PJVK: variants seen among roughly 807,000 people sequenced by gnomAD.
PJVK encodes the protein autosomal recessive deafness type 59 protein.
Under a neutral mutation model 37.6 loss-of-function variants are expected in PJVK, and 33 were observed. The ratio of observed to expected loss-of-function variants is 0.88; its 90% confidence interval spans 0.67 to 1.17. PJVK has a LOEUF of 1.17. PJVK is among the 50% of genes most tolerant of loss of function. The pLI is 0.00. For missense variants in PJVK, 410 were observed against 413.8 expected (o/e 0.99, Z 0.08); for synonymous variants, 141 against 143.5 (o/e 0.98, Z 0.13).
chr2:178,454,477 A>G lies in PJVK; in HGVS notation c.357A>G (p.Val119=). Residue 119 remains valine (V), a synonymous_variant, in exon 3 of 7, where the codon GTA becomes GTG. Transcript: ENST00000644580. ...SIAVKASFGI[V]TKHEVEVSTL... is the part of the protein sequence containing the mutation. ...CAGTGAAAGCTTCATTTGGTATAGT[A>G]ACCAAACATGAAGTGGAAGTATCAA... 1.9e-6 allele frequency: 3 copies of G among 1,613,950 alleles called. No homozygotes were observed. The highest frequency in any genetic ancestry group is 2.7e-5 in the African/African-American group (2 of 75,034).
chr2:178,456,063 C>T lies in PJVK; in HGVS notation c.461C>T (p.Ala154Val). 6.2e-7 allele frequency: 1 copy of T among 1,614,112 alleles called. No individual in the cohort carries two copies. Among genetic ancestry groups the T allele is most frequent in the Non-Finnish European group, 8.5e-7 (1 of 1,180,010 alleles). Residue 154 changes from alanine (A) to valine (V), a missense_variant, in exon 4 of 7, where the codon GCA becomes GTA. Ala to Val is a moderately conservative substitution (Grantham distance 64, BLOSUM62 0). Transcript: ENST00000644580. ...LIRQSRSSRK[A>V]VLCVVMESIR... ...CGTCAGTCAAGGAGCAGCAGAAAGG[C>T]AGTATTGTGTGTGGTCATGGAGAGC... is the stretch of plus-strand genomic sequence containing the variant.
In PJVK at chr2:178,454,488, A is replaced by G. The variant is rs184784206; in HGVS notation, c.368A>G (p.Glu123Gly). The change falls in exon 3 of 7, where the codon GAA (glutamate) becomes GGA (glycine). Residue 123 changes from glutamate (E) to glycine (G), a missense_variant. By Grantham distance (98) the Glu-to-Gly change is moderately conservative (BLOSUM62 -2). Coordinates refer to ENST00000644580, the MANE Select transcript of PJVK (RefSeq NM_001042702.5). ...TCATTTGGTATAGTAACCAAACATGAAGTGGAAGTATCAACATTACTCAAA... is the reference window on the plus strand; with the variant it reads ...TCATTTGGTATAGTAACCAAACATGGAGTGGAAGTATCAACATTACTCAAA... ...KASFGIVTKH[E>G]VEVSTLLKEI... The G allele has an allele frequency of 1.1e-5, 17 of 1,613,916 alleles. 1 individual carries two copies. The African/African-American group carries it at 1.2e-4, about 11-fold the overall frequency.
chr2:178,453,798 T>G lies in PJVK; in HGVS notation c.211+178T>G, dbSNP rs933204335. ...AACAATGCCAAAAGTTTGTATAATA[T>G]CAAATCTCTTATTGGTCAAATAATT... is the stretch of plus-strand genomic sequence containing the variant. On this transcript the variant is annotated intron_variant, in intron 2 of 6. Coordinates refer to ENST00000644580, the MANE Select transcript of PJVK (RefSeq NM_001042702.5). The G allele has an allele frequency of 7.0e-6, 4 of 572,186 alleles. No homozygotes were observed. The African/African-American group carries it at 7.6e-5, about 11-fold the overall frequency. 35.4% of individuals were successfully genotyped at this position (572,186 alleles called of 1,614,324 possible).
intron 5 of PJVK, among the ~76,000 whole-genome samples, chr2:178,459,438 A>G (rs747389569): frequency 2.0e-5 from 3 of 152,186 alleles, no homozygotes; most frequent in Non-Finnish European, 2.9e-5. Flanking sequence ...ATATTTATGT[A>G]TGGGATACAT....
intron 5 of PJVK, among the ~76,000 whole-genome samples, chr2:178,459,512 C>T (rs932636834): frequency 1.3e-5 from 2 of 151,988 alleles, no homozygotes; most frequent in African/African-American, 2.4e-5. Context: ...GGTATCCATC[C>T]CCTCAAGCAT....
In PJVK at chr2:178,454,346, C is replaced by T; in HGVS notation, c.226C>T (p.Gln76Ter). The part of the protein sequence containing the change: ...REISAGISSY[Q>*]LLNYEDESDV... Reference sequence around the variant, plus strand: ...TTCTTATAAAGGTATTTCATCTTATCAATTACTGAATTATGAAGATGAATC... The same window carrying T: ...TTCTTATAAAGGTATTTCATCTTATTAATTACTGAATTATGAAGATGAATC... The change falls in exon 3 of 7, where the codon CAA becomes TAA. Residue 76 changes from glutamine (Q) to a stop codon, truncating the protein, a stop_gained. Coordinates refer to ENST00000644580, the MANE Select transcript of PJVK (RefSeq NM_001042702.5). LOFTEE classifies it high-confidence loss of function. 1 of 1,612,398 alleles carries T rather than the reference C, an allele frequency of 6.2e-7. No individual in the cohort carries two copies.
intron 5 of PJVK, chr2:178,459,143 C>A (rs1300791849): frequency 4.2e-6 from 2 of 471,136 alleles, no homozygotes; most frequent in Non-Finnish European, 8.8e-6. Context: ...AAAATTGTCA[C>A]CTTGTATAAT....
intron 3 of PJVK, chr2:178,455,003 C>T (rs1340024220): frequency 5.8e-6 from 6 of 1,038,090 alleles, no homozygotes; most frequent in Non-Finnish European, 9.2e-6. Flanking sequence ...TCTGTGTGGA[C>T]TTCCAGCTGA....
intron 2 of PJVK, 66 bp from the exon 3 acceptor site, chr2:178,454,266 A>G: frequency 7.3e-7 from 1 of 1,378,702 alleles, no homozygotes; most frequent in Non-Finnish European, 1.0e-6. Flanking sequence ...TTAATTTAAC[A>G]TGTTACTATA....
chr2:178,459,207 T>C (rs1227295204), intron 5 of PJVK: 3 of 472,266 alleles, frequency 6.4e-6, no homozygotes, highest in Admixed American at 4.7e-5. Flanking sequence ...TTAAGGTCTG[T>C]TGGCCAACTG....
chr2:178,455,895 C>A, intron 3 of PJVK, 115 bp from the exon 4 acceptor site: 2 of 1,211,274 alleles, frequency 1.7e-6, no homozygotes, highest in South Asian at 1.4e-5. Context: ...ATTAGGATTG[C>A]CTTGATTTAC....
At chr2:178,451,916 A>G (rs962449205) in intron 1 of PJVK, 147 bp downstream of exon 1, 8 of 868,760 alleles carry the variant, frequency 9.2e-6, no homozygotes, top group Non-Finnish European at 1.1e-5. Context: ...CTTGCTAGGC[A>G]CTAGCAGAAA....
Position 178,453,501 on chromosome 2 carries a change from A to T in PJVK, c.92A>T (p.Tyr31Phe). 1 of 1,614,176 alleles carries T rather than the reference A, an allele frequency of 6.2e-7. No homozygotes were observed. Among genetic ancestry groups the T allele is most frequent in the Non-Finnish European group, 8.5e-7 (1 of 1,180,014 alleles). The change falls in exon 2 of 7, where the codon TAT (tyrosine) becomes TTT (phenylalanine). Residue 31 changes from tyrosine to phenylalanine, a missense_variant. Transcript: ENST00000644580. ...PVPSLSEADK[Y>F]QPLSLVVKKK... ...CCAAGCCTCAGTGAAGCTGACAAAT[A>T]TCAACCTCTAAGTCTGGTGGTAAAA...
Position 178,454,414 on chromosome 2 carries a change from T to C in PJVK, c.294T>C (p.Asn98=), listed in dbSNP as rs750941260. ...LYGRRGNHIV[N]DVGINVAGSD... ...GAAGGCGAGGTAACCATATTGTAAATGACGTTGGGATTAACGTTGCTGGAT... is the reference window on the plus strand; with the variant it reads ...GAAGGCGAGGTAACCATATTGTAAACGACGTTGGGATTAACGTTGCTGGAT... Residue 98 remains asparagine (N), a synonymous_variant, in exon 3 of 7, where the codon AAT becomes AAC. Coordinates refer to ENST00000644580, the MANE Select transcript of PJVK (RefSeq NM_001042702.5). 1.2e-6 allele frequency: 2 copies of C among 1,613,912 alleles called. No homozygotes were observed. Among genetic ancestry groups the C allele is most frequent in the African/African-American group, 2.7e-5 (2 of 74,926 alleles).
intron 3 of PJVK, among the ~76,000 whole-genome samples, chr2:178,455,643 TAAAA>T (rs373644585): frequency 7.9e-6 from 1 of 126,730 alleles, no homozygotes; most frequent in Non-Finnish European, 1.7e-5. Flanking sequence ...TTTGCCCAGC[TAAAA>T]AAAAAAAAAA....
At position 178,456,031 on chromosome 2, in the gene PJVK, CTTGAT is replaced by C; in HGVS notation, c.430_434del (p.Leu144ThrfsTer44). On this transcript the variant is annotated frameshift_variant, in exon 4 of 7. Transcript: ENST00000644580. LOFTEE classifies it high-confidence loss of function. The stretch of plus-strand genomic sequence containing the variant: ...TTAGAAAAATTAACTTTGACCACAG[CTTGAT>C]ACGTCAGTCAAGGAGCAGCAGAAAG... 6.2e-7 allele frequency: 1 copy of C among 1,614,158 alleles called. No homozygotes were observed.
In PJVK at chr2:178,461,618, T is replaced by C. The variant is rs1305380967; in HGVS notation, c.*344T>C. Among the ~76,000 whole-genome samples, 1 of 141,338 alleles carries C rather than the reference T, an allele frequency of 7.1e-6. No individual in the cohort carries two copies. The allele number at this position is 141,338 out of a possible 152,430, so 92.7% of individuals were successfully genotyped here. ...TTTTTTTTTTGAGACAGAGCCTTGCTCCGTCACCCAGGCTGGAGTACAGTG... is the reference window on the plus strand; with the variant it reads ...TTTTTTTTTTGAGACAGAGCCTTGCCCCGTCACCCAGGCTGGAGTACAGTG... On this transcript the variant is annotated 3_prime_UTR_variant, in exon 7 of 7. Coordinates refer to ENST00000644580, the MANE Select transcript of PJVK (RefSeq NM_001042702.5).
chr2:178,458,470 G>A, intron 4 of PJVK, 40 bp from the exon 5 acceptor site: 3 of 1,471,484 alleles, frequency 2.0e-6, no homozygotes, highest in Admixed American at 1.7e-5. Context: ...ATCCTTACAT[G>A]TTATGATCCT....
Position 178,453,464 on chromosome 2 carries a change from T to G in PJVK, c.55T>G (p.Leu19Val). ...FVKQVGDGGR[L>V]VPVPSLSEAD... is the part of the protein sequence containing the mutation. The stretch of plus-strand genomic sequence containing the variant: ...CAAGCAAGTTGGAGATGGAGGGAGA[T>G]TAGTTCCTGTTCCAAGCCTCAGTGA... Residue 19 changes from leucine (L) to valine (V), a missense_variant, in exon 2 of 7, where the codon TTA (leucine) becomes GTA (valine). Physicochemically the swap from Leu to Val is conservative, Grantham distance 32 (BLOSUM62 1). Coordinates refer to ENST00000644580, the MANE Select transcript of PJVK (RefSeq NM_001042702.5). 3 of 1,614,124 alleles carry G rather than the reference T, an allele frequency of 1.9e-6. No individual in the cohort carries two copies. Among genetic ancestry groups the G allele is most frequent in the Non-Finnish European group, 2.5e-6 (3 of 1,179,996 alleles).
Sources: allele counts gnomAD v4.1 joint callset (sites outside exome capture counted in the v4.1 genomes callset), GRCh38; gene constraint gnomAD v4.1.1; transcripts MANE v1.5; gene names NCBI Gene and HGNC (gene_info 2026-07-23, HGNC 2026-07-21).